PRKG1: variants seen among roughly 807,000 people sequenced by gnomAD.
PRKG1 encodes the protein cGMP-dependent protein kinase 1.
Under a neutral mutation model 88.1 loss-of-function variants are expected in PRKG1, and 35 were observed. The observed-to-expected ratio is 0.40, with a 90% CI of 0.30 to 0.53. PRKG1 has a LOEUF of 0.53. PRKG1 is among the 20% of genes least tolerant of loss of function. The pLI is 0.59. For missense variants in PRKG1, 540 were observed against 839.8 expected (o/e 0.64, Z 4.41); for synonymous variants, 303 against 292.5 (o/e 1.04, Z -0.37).
chr10:51,325,503 A>G (rs1465282045), intron 2 of PRKG1, among the ~76,000 whole-genome samples: 2 of 152,156 alleles, frequency 1.3e-5, no homozygotes, highest in Non-Finnish European at 2.9e-5. Flanking sequence ...CTGGCTCTTC[A>G]AGTTTTTCAG....
intron 1 of PRKG1, among the ~76,000 whole-genome samples, chr10:51,139,169 T>C (rs1249476738): frequency 6.6e-6 from 1 of 152,218 alleles, no homozygotes; most frequent in South Asian, 2.1e-4. Flanking sequence ...CAAGTTTCAG[T>C]TGCTGTGATA....
intron 3 of PRKG1, among the ~76,000 whole-genome samples, chr10:51,679,845 G>A (rs944389107): frequency 6.8e-6 from 1 of 147,544 alleles, no homozygotes; most frequent in South Asian, 2.2e-4. Flanking sequence ...CTAGCATTAG[G>A]TATATCTCCC....
intron 1 of PRKG1, among the ~76,000 whole-genome samples, chr10:51,081,592 G>A (rs995578092): frequency 2.0e-5 from 3 of 152,192 alleles, no homozygotes; most frequent in African/African-American, 4.8e-5. Flanking sequence ...ACAGTGCAGA[G>A]GACAAGAATA....
intron 9 of PRKG1, among the ~76,000 whole-genome samples, chr10:52,165,311 G>A (rs34999724): frequency 0.23 from 35,627 of 152,032 alleles, 4,376 homozygotes; most frequent in East Asian, 0.41. Flanking sequence ...CCTAGAGAAA[G>A]CTTTCTAGTT....
At chr10:52,055,486 T>G (rs1395591490) in intron 6 of PRKG1, among the ~76,000 whole-genome samples, 1 of 152,156 alleles carries the variant, frequency 6.6e-6, no homozygotes, top group Non-Finnish European at 1.5e-5. Flanking sequence ...ACAATATGAA[T>G]TTATTTATAT....
chr10:51,016,669 C>CTTTTTTTTTTTTTTTTTTTTTT (rs1323068893), intron 1 of PRKG1, among the ~76,000 whole-genome samples: 20 of 22,760 alleles, frequency 8.8e-4, no homozygotes, highest in Non-Finnish European at 1.6e-3. Flanking sequence ...TATTATTATC[C>CTTTTTTTTTTTTTTTTTTTTTT]TTTCTTTTTT....
intron 7 of PRKG1, among the ~76,000 whole-genome samples, chr10:52,078,404 A>T (rs1376563561): frequency 6.6e-6 from 1 of 152,228 alleles, no homozygotes; most frequent in Non-Finnish European, 1.5e-5. Flanking sequence ...CAAGAATAGT[A>T]AGGATTTGAG....
At chr10:51,987,913 A>C (rs1160893756) in intron 5 of PRKG1, among the ~76,000 whole-genome samples, 2 of 152,106 alleles carry the variant, frequency 1.3e-5, no homozygotes, top group Non-Finnish European at 2.9e-5. Flanking sequence ...ATGCTACAAA[A>C]ATAATATAAA....
chr10:51,540,436 T>G (rs571500201), intron 3 of PRKG1, among the ~76,000 whole-genome samples: 1 of 152,160 alleles, frequency 6.6e-6, no homozygotes, highest in Non-Finnish European at 1.5e-5. Flanking sequence ...AATGTCAAAG[T>G]AGTAGTGACA....
intron 5 of PRKG1, among the ~76,000 whole-genome samples, chr10:51,922,245 C>T (rs1842478588): frequency 6.7e-6 from 1 of 148,806 alleles, no homozygotes; most frequent in South Asian, 2.1e-4. Flanking sequence ...TAGTGGTGGC[C>T]CCTTCTTCAT....
chr10:51,154,805 A>G (rs1229656194), intron 2 of PRKG1, among the ~76,000 whole-genome samples: 1 of 152,038 alleles, frequency 6.6e-6, no homozygotes, highest in Non-Finnish European at 1.5e-5. Context: ...AAAAATACAC[A>G]TAATGTACAC....
rs766423513 is a variant in PRKG1 at position 51,847,840 on chromosome 10, TAAAAAAAAAAAAAAAAA to T, written c.698+43171_698+43187del. Reference sequence around the variant, plus strand: ...AACATAGAGAGACTCAAGACTCTGTTAAAAAAAAAAAAAAAAAAAAAAAAAAAAAAAAAAAAAGACCG... The same window carrying T: ...AACATAGAGAGACTCAAGACTCTGTTAAAAAAAAAAAAAAAAAAAAGACCG... On this transcript the variant is annotated intron_variant, in intron 4 of 17. Transcript: ENST00000373980. Among the ~76,000 whole-genome samples the T allele has an allele frequency of 2.7e-3, 96 of 35,216 alleles. 1 individual carries two copies. The highest frequency in any genetic ancestry group is 3.5e-3 in the South Asian group (2 of 578). 23.1% of individuals were successfully genotyped at this position (35,216 alleles called of 152,430 possible).
chr10:52,189,439 G>C (rs1910549), intron 9 of PRKG1, among the ~76,000 whole-genome samples: 32,807 of 152,038 alleles, frequency 0.22, 5,070 homozygotes, highest in African/African-American at 0.44. Context: ...CACAAAGCAG[G>C]AAGTGAGCAG....
chr10:52,112,621 CT>C (rs1288039426), intron 7 of PRKG1, among the ~76,000 whole-genome samples: 8 of 152,118 alleles, frequency 5.3e-5, no homozygotes, highest in African/African-American at 1.9e-4. Flanking sequence ...GTTTTCTCTG[CT>C]TTTTCTATTC....
chr10:51,996,314 CAAAAAAA>C (rs59174399), intron 5 of PRKG1, among the ~76,000 whole-genome samples: 17 of 30,022 alleles, frequency 5.7e-4, no homozygotes, highest in African/African-American at 2.2e-3. Context: ...GACTCCATCT[CAAAAAAA>C]AAAAAAAAAA....
At chr10:51,972,377 G>A (rs1225518915) in intron 5 of PRKG1, among the ~76,000 whole-genome samples, 2 of 152,174 alleles carry the variant, frequency 1.3e-5, no homozygotes, top group Non-Finnish European at 2.9e-5. Flanking sequence ...TTCTTGAGCT[G>A]AGTGGTTATT....
At chr10:52,000,984 C>A (rs1051500979) in intron 5 of PRKG1, among the ~76,000 whole-genome samples, 1 of 151,756 alleles carries the variant, frequency 6.6e-6, no homozygotes, top group African/African-American at 2.4e-5. Flanking sequence ...AGTTTTGTAC[C>A]CTGTGAACTA....
intron 1 of PRKG1, among the ~76,000 whole-genome samples, chr10:51,038,762 C>T (rs777331736): frequency 1.1e-4 from 17 of 152,036 alleles, no homozygotes; most frequent in Non-Finnish European, 1.6e-4. Flanking sequence ...TTCCAAATCT[C>T]GGCTGAATAG....
intron 3 of PRKG1, among the ~76,000 whole-genome samples, chr10:51,726,257 C>G (rs1174374159): frequency 6.6e-6 from 1 of 152,096 alleles, no homozygotes; most frequent in African/African-American, 2.4e-5. Context: ...TGCATCCTTT[C>G]TAATACTGGA....
Sources: gnomAD v4.1 joint callset for allele counts (sites outside exome capture counted in the v4.1 genomes callset) on GRCh38, gnomAD v4.1.1 for gene constraint, MANE v1.5 for transcripts, NCBI Gene and HGNC (gene_info 2026-07-23, HGNC 2026-07-21) for gene names.